The following ADGRG1 variants were observed in gnomAD, a reference collection of about 807,000 sequenced individuals.
ADGRG1 encodes 7-transmembrane protein with no EGF-like N-terminal domains-1.
Under a neutral mutation model 73.5 loss-of-function variants are expected in ADGRG1, and 53 were observed. That is an observed-to-expected ratio of 0.72 (90% CI 0.58 to 0.91). The LOEUF is 0.91. Among genes scored for constraint, ADGRG1 ranks in the 40% least tolerant of loss-of-function variants. The probability of loss-of-function intolerance (pLI) is 0.00; values close to 1 mark genes in which losing one functional copy is unlikely to be tolerated. For synonymous variants in ADGRG1, 394 were observed against 374.4 expected (o/e 1.05, Z -0.60); for missense variants, 795 against 871.8 (o/e 0.91, Z 1.11).
At chr16:57,633,682 AG>A in intron 1 of ADGRG1, 1 of 210,004 alleles carries the variant, frequency 4.8e-6, no homozygotes, top group Non-Finnish European at 8.3e-6. Context: ...GAGAGGATTA[AG>A]TGAGCCTCTG....
upstream of ADGRG1, among the ~76,000 whole-genome samples, chr16:57,623,353 G>A (rs1371388284): frequency 6.6e-6 from 1 of 152,208 alleles, no homozygotes; most frequent in Admixed American, 6.5e-5. Context: ...GAAACCAGAT[G>A]CAGGTTAAAC....
At chr16:57,632,640 C>T (rs1278128914) in intron 1 of ADGRG1, among the ~76,000 whole-genome samples, 1 of 152,244 alleles carries the variant, frequency 6.6e-6, no homozygotes, top group Admixed American at 6.5e-5. Context: ...CACCCACCTC[C>T]AGCCTGACTC....
chr16:57,660,784 G>T lies in ADGRG1; in HGVS notation c.1572G>T (p.Leu524=), dbSNP rs1461136924. The change falls in exon 12 of 14, where the codon CTG becomes CTT. Residue 524 remains leucine, a synonymous_variant. Coordinates refer to ENST00000562631, the MANE Select transcript of ADGRG1 (RefSeq NM_201525.4). Reference sequence around the variant, plus strand: ...CACCCTCAGGCTTCCCCATCTTTCTGGTGACGCTGGTGGCCCTGGTGGATG... The same window carrying T: ...CACCCTCAGGCTTCCCCATCTTTCTTGTGACGCTGGTGGCCCTGGTGGATG... ...SAMGWGFPIF[L]VTLVALVDVD... is the part of the protein sequence containing the mutation. The T allele has an allele frequency of 2.5e-6, 4 of 1,611,662 alleles. No individual in the cohort carries two copies. In the South Asian group the frequency reaches 4.4e-5, roughly 18 times the overall value.
intron 5 of ADGRG1, 154 bp from the exon 6 acceptor site, chr16:57,655,245 G>A (rs1470603027): frequency 5.1e-6 from 5 of 985,462 alleles, no homozygotes; most frequent in Non-Finnish European, 6.0e-6. Flanking sequence ...GGAGGGATGA[G>A]GAGGGCTGTC....
upstream of ADGRG1, chr16:57,625,676 CA>C (rs1365457695): frequency 5.0e-5 from 49 of 984,798 alleles, no homozygotes; most frequent in East Asian, 4.5e-3. Flanking sequence ...CAGCAGGTCT[CA>C]GGCTATCTGT....
chr16:57,660,731 G>A lies in ADGRG1; in HGVS notation c.1556-37G>A, dbSNP rs766343572. 1.7e-4 allele frequency: 259 copies of A among 1,506,894 alleles called. 1 individual carries two copies. Among genetic ancestry groups the A allele is most frequent in the Non-Finnish European group, 2.1e-4 (226 of 1,090,024 alleles). The allele number at this position is 1,506,894 out of a possible 1,614,324, so 93.3% of individuals were successfully genotyped here. ...CAGCAGGGAATGGGCAGGCCTCAGA[G>A]AGCGGGAAGTAGAGCAACATGCATT... On this transcript the variant is annotated intron_variant, in intron 11 of 13. Coordinates refer to ENST00000562631, the MANE Select transcript of ADGRG1 (RefSeq NM_201525.4).
chr16:57,651,313 A>G lies in ADGRG1; in HGVS notation c.178A>G (p.Asn60Asp). 6.2e-7 allele frequency: 1 copy of G among 1,613,998 alleles called. No homozygotes were observed. Among genetic ancestry groups the G allele is most frequent in the Non-Finnish European group, 8.5e-7 (1 of 1,179,968 alleles). Reference protein sequence around the residue: ...PTPDLRISIENSEEALTVHAP... With the variant: ...PTPDLRISIEDSEEALTVHAP... ...ACCAGACCTGCGCATCTCCATCGAG[A>G]ACTCCGAAGAGGCCCTCACAGTCCA... The change falls in exon 3 of 14, where the codon AAC becomes GAC. Residue 60 changes from asparagine (N) to aspartate (D), a missense_variant. By Grantham distance (23) the Asn-to-Asp change is conservative (BLOSUM62 1). Coordinates refer to ENST00000562631, the MANE Select transcript of ADGRG1 (RefSeq NM_201525.4).
intron 6 of ADGRG1, 56 bp downstream of exon 6, chr16:57,655,586 G>A: frequency 6.2e-7 from 1 of 1,611,712 alleles, no homozygotes; most frequent in Non-Finnish European, 8.5e-7. Flanking sequence ...TTCTGACAGA[G>A]GTGGAAAGAA....
At chr16:57,628,887 AGTGTGAGTGTGTGAGTGTGAGT>A in intron 1 of ADGRG1, 85 bp downstream of exon 1, 1 of 805,408 alleles carries the variant, frequency 1.2e-6, no homozygotes, top group South Asian at 5.6e-5. Flanking sequence ...AGTGTGTGAG[AGTGTGAGTGTGTGAGTGTGAGT>A]GTGTGAGAGT....
Position 57,661,966 on chromosome 16 carries a change from G to T in ADGRG1, c.1933+1G>T. The stretch of plus-strand genomic sequence containing the variant: ...TTCAGCATCATCACCTCCTTCCAAG[G>T]TAAGGAGAAGACCCGTCCCTTGGCC... On this transcript the variant is annotated splice_donor_variant, in intron 13 of 13. Coordinates refer to ENST00000562631, the MANE Select transcript of ADGRG1 (RefSeq NM_201525.4). LOFTEE classifies it high-confidence loss of function. 10 of 1,611,930 alleles carry T rather than the reference G, an allele frequency of 6.2e-6. No individual in the cohort carries two copies. Among genetic ancestry groups the T allele is most frequent in the Middle Eastern group, 1.7e-4 (1 of 6,056 alleles).
chr16:57,622,905 G>C, upstream of ADGRG1: 1 of 985,488 alleles, frequency 1.0e-6, no homozygotes, highest in Non-Finnish European at 1.2e-6. Flanking sequence ...GCATTCTGCA[G>C]TGGCCCTTTC....
intron 13 of ADGRG1, 73 bp from the exon 14 acceptor site, chr16:57,663,379 T>C: frequency 1.3e-6 from 2 of 1,593,154 alleles, no homozygotes; most frequent in Non-Finnish European, 1.7e-6. Flanking sequence ...CGAGTCACAA[T>C]GGCTGGGGAG....
In ADGRG1 at chr16:57,655,891, C is replaced by G. The variant is rs1020942209; in HGVS notation, c.916C>G (p.Gln306Glu). The G allele has an allele frequency of 6.2e-7, 1 of 1,614,134 alleles. No individual in the cohort carries two copies. Among genetic ancestry groups the G allele is most frequent in the Non-Finnish European group, 8.5e-7 (1 of 1,180,018 alleles). ...ATGTATCTAGGACAAGAATTCCAGCCAAGTCCTGGGTGAGAAGGTCTTGGG... is the reference window on the plus strand; with the variant it reads ...ATGTATCTAGGACAAGAATTCCAGCGAAGTCCTGGGTGAGAAGGTCTTGGG... ...QALFQDKNSSQVLGEKVLGIV... is the reference protein window; with the variant it reads ...QALFQDKNSSEVLGEKVLGIV... Residue 306 changes from glutamine (Q) to glutamate (E), a missense_variant, in exon 7 of 14, where the codon CAA (glutamine) becomes GAA (glutamate). By Grantham distance (29) the Gln-to-Glu change is conservative. Transcript: ENST00000562631.
At chr16:57,638,170 C>T (rs780694586) in intron 1 of ADGRG1, among the ~76,000 whole-genome samples, 1 of 152,202 alleles carries the variant, frequency 6.6e-6, no homozygotes, top group Non-Finnish European at 1.5e-5. Flanking sequence ...GAGCATTGAA[C>T]GTGGGGGAGA....
chr16:57,622,135 A>AG (rs1299187026), intron 2 of ADGRG1: 1 of 152,100 alleles, frequency 6.6e-6, no homozygotes, highest in East Asian at 1.9e-4. Context: ...AAAAAAAAAA[A>AG]AAACAAAACA....
rs541752686 is a variant in ADGRG1 at position 57,665,294 on chromosome 16, A to T, written c.*1712A>T. 1 of 152,388 alleles carries T rather than the reference A, an allele frequency of 6.6e-6. No individual in the cohort carries two copies. The highest frequency in any genetic ancestry group is 2.1e-4 in the South Asian group (1 of 4,832). 9.4% of individuals were successfully genotyped at this position (152,388 alleles called of 1,614,324 possible). On this transcript the variant is annotated 3_prime_UTR_variant, in exon 14 of 14. Transcript: ENST00000562631. ...TGGCGAACTGGAGACTCCCAACCCCATGCTGAGAGCGTGGCTGCTCATCAG... is the reference window on the plus strand; with the variant it reads ...TGGCGAACTGGAGACTCCCAACCCCTTGCTGAGAGCGTGGCTGCTCATCAG...
intron 1 of ADGRG1, chr16:57,631,510 A>G: frequency 1.0e-6 from 1 of 985,566 alleles, no homozygotes; most frequent in Non-Finnish European, 1.2e-6. Flanking sequence ...CAGAGCCCCA[A>G]ACCCCAGCAC....
intron 1 of ADGRG1, chr16:57,631,631 G>A: frequency 1.0e-6 from 1 of 985,454 alleles, no homozygotes; most frequent in Non-Finnish European, 1.2e-6. Context: ...GACATCATGT[G>A]AGCAAACCCA....
intron 1 of ADGRG1, among the ~76,000 whole-genome samples, chr16:57,638,838 G>C (rs569390796): frequency 6.6e-6 from 1 of 152,256 alleles, no homozygotes; most frequent in Admixed American, 6.5e-5. Flanking sequence ...TTGGGAGGCC[G>C]AGGCGGGCAT....
Sources: gnomAD v4.1 joint callset for allele counts (sites outside exome capture counted in the v4.1 genomes callset) on GRCh38, gnomAD v4.1.1 for gene constraint, MANE v1.5 for transcripts, NCBI Gene and HGNC (gene_info 2026-07-23, HGNC 2026-07-21) for gene names.